Variants in ALPG observed in about 807,000 individuals in gnomAD.
The protein encoded by ALPG is alkaline phosphatase, germ cell type.
A neutral mutation model predicts 48.6 loss-of-function variants in ALPG; 32 were observed. That is an observed-to-expected ratio of 0.66 (90% CI 0.50 to 0.88). The LOEUF is 0.88. Among genes scored for constraint, ALPG ranks in the 40% least tolerant of loss-of-function variants. The pLI is 0.00. For synonymous variants in ALPG, 244 were observed against 308.9 expected, an observed-to-expected ratio of 0.79 and a Z score of 2.20; for missense variants, 533 against 718.1, an observed-to-expected ratio of 0.74 and a Z score of 2.95.
chr2:232,407,595 C>T lies in ALPG; in HGVS notation c.302C>T (p.Thr101Ile), dbSNP rs201165880. The T allele has an allele frequency of 5.8e-5, 94 of 1,613,744 alleles. No individual in the cohort carries two copies. The highest frequency in any genetic ancestry group is 7.5e-5 in the Non-Finnish European group (89 of 1,180,024). ...AGCTCAGAGTGTCTCTGTCCCCAGA[C>T]ATACAGTGTAGACAAGCATGTGCCA... ...DRFPYVALSK[T>I]YSVDKHVPDS... Residue 101 changes from threonine (T) to isoleucine (I), a missense_variant and splice_region_variant, in exon 4 of 11, where the codon ACA becomes ATA. Around this residue, in one of 6 missense-constraint regions of ALPG, gnomAD observed 315 missense variants for 305.8 expected, o/e 1.03. Transcript: ENST00000295453.
Position 232,407,577 on chromosome 2 carries a change from A to C in ALPG, c.301-17A>C, listed in dbSNP as rs746136382. On this transcript the variant is annotated splice_polypyrimidine_tract_variant and intron_variant, in intron 3 of 10. Transcript: ENST00000295453. ...TTGTCTGCCCCAGAGAAGAGCTCAGAGTGTCTCTGTCCCCAGACATACAGT... is the reference window on the plus strand; with the variant it reads ...TTGTCTGCCCCAGAGAAGAGCTCAGCGTGTCTCTGTCCCCAGACATACAGT... 7.4e-6 allele frequency: 12 copies of C among 1,613,478 alleles called. No individual in the cohort carries two copies. Among genetic ancestry groups the C allele is most frequent in the Non-Finnish European group, 1.0e-5 (12 of 1,179,948 alleles).
Position 232,408,300 on chromosome 2 carries a change from C to A in ALPG, c.682C>A (p.Pro228Thr), listed in dbSNP as rs767138507. 6.2e-7 allele frequency: 1 copy of A among 1,613,576 alleles called. No individual in the cohort carries two copies. Among genetic ancestry groups the A allele is most frequent in the Admixed American group, 1.7e-5 (1 of 59,984 alleles). The change falls in exon 6 of 11, where the codon CCC becomes ACC. Residue 228 changes from proline to threonine, a missense_variant. Physicochemically the swap from Pro to Thr is conservative, Grantham distance 38. Coordinates refer to ENST00000295453, the MANE Select transcript of ALPG (RefSeq NM_031313.3). ...AGGTGGAGGCCGAAAGTACATGTTT[C>A]CCATGGGGACCCCAGACCCTGAGTA... ...ILGGGRKYMFPMGTPDPEYPD... is the reference protein window; with the variant it reads ...ILGGGRKYMFTMGTPDPEYPD...
Position 232,407,888 on chromosome 2 carries a change from C to T in ALPG, c.519C>T (p.Ala173=), listed in dbSNP as rs1697119279. 1 of 1,613,510 alleles carries T rather than the reference C, an allele frequency of 6.2e-7. No homozygotes were observed. The highest frequency in any genetic ancestry group is 1.7e-5 in the Admixed American group (1 of 60,030). ...GVVTTTRVQH[A]SPAGAYAHTV... ...TAACCACCACACGGGTGCAGCATGC[C>T]TCGCCAGCCGGCGCCTACGCCCACA... The change falls in exon 5 of 11, where the codon GCC becomes GCT. Residue 173 remains alanine, a synonymous_variant. Coordinates refer to ENST00000295453, the MANE Select transcript of ALPG (RefSeq NM_031313.3).
rs762791090 is a variant in ALPG, at chr2:232,409,871, G to A, written c.1598G>A (p.Ter533=). 3 of 1,564,130 alleles carry A rather than the reference G, an allele frequency of 1.9e-6. No individual in the cohort carries two copies. The highest frequency in any genetic ancestry group is 2.6e-6 in the Non-Finnish European group (3 of 1,160,216). ...CTGCTGGGGACGGCCACTGCTCCCT[G>A]AGTGTCCCGTCCCTGGGGCTCCTGC... ...LLLLGTATAP[*] is the part of the protein sequence containing the mutation. The change falls in exon 11 of 11, where the codon TGA becomes TAA. Residue 533 remains the stop codon, a stop_retained_variant. Transcript: ENST00000295453.
At chr2:232,407,442 G>C in intron 3 of ALPG, 41 bp downstream of exon 3, 1 of 1,606,528 alleles carries the variant, frequency 6.2e-7, no homozygotes, top group Non-Finnish European at 8.5e-7. Flanking sequence ...AGCAGAGAAG[G>C]GGAATCCTGG....
rs1697158494 is a variant in ALPG, at chr2:232,409,837, A to T, written c.1564A>T (p.Thr522Ser). 1 of 1,586,700 alleles carries T rather than the reference A, an allele frequency of 6.3e-7. No homozygotes were observed. The highest frequency in any genetic ancestry group is 8.5e-7 in the Non-Finnish European group (1 of 1,169,660). Reference protein sequence around the residue: ...VPALLPLLAGTLLLLGTATAP With the variant: ...VPALLPLLAGSLLLLGTATAP ...CGCGTTGCTTCCTCTGCTGGCAGGGACCTTGCTGCTGCTGGGGACGGCCAC... is the reference window on the plus strand; with the variant it reads ...CGCGTTGCTTCCTCTGCTGGCAGGGTCCTTGCTGCTGCTGGGGACGGCCAC... The change falls in exon 11 of 11, where the codon ACC (threonine) becomes TCC (serine). Residue 522 changes from threonine (T) to serine (S), a missense_variant. Thr to Ser is a moderately conservative substitution (Grantham distance 58). This residue lies in a region of ALPG where 145 missense variants were observed against 174.3 expected (regional missense o/e 0.83). Coordinates refer to ENST00000295453, the MANE Select transcript of ALPG (RefSeq NM_031313.3).
intron 5 of ALPG, 123 bp downstream of exon 5, chr2:232,408,140 G>T (rs1258139580): frequency 4.5e-6 from 7 of 1,567,230 alleles, no homozygotes; most frequent in African/African-American, 2.7e-5. Context: ...GGTTGGGGGC[G>T]TAGAAGGCGC....
rs755457145 is a variant in ALPG, at chr2:232,407,275, T to A, written c.185-11T>A. ...CTGGGGAGCAAGCCTCACACACTTC[T>A]GCTCCTTCAGGGATGGGGGTGTCTA... On this transcript the variant is annotated splice_polypyrimidine_tract_variant and intron_variant, in intron 2 of 10. Transcript: ENST00000295453. The A allele has an allele frequency of 6.2e-7, 1 of 1,613,940 alleles. No homozygotes were observed. Among genetic ancestry groups the A allele is most frequent in the Non-Finnish European group, 8.5e-7 (1 of 1,179,998 alleles).
Position 232,408,936 on chromosome 2 carries a change from A to ACC in ALPG, c.1007_1008insCC (p.Gly337LeufsTer12). 1 of 984,740 alleles carries ACC rather than the reference A, an allele frequency of 1.0e-6. No homozygotes were observed. The highest frequency in any genetic ancestry group is 1.5e-6 in the Non-Finnish European group (1 of 684,054). 61.0% of individuals were successfully genotyped at this position (984,740 alleles called of 1,614,324 possible). A position where few individuals can be genotyped will look rare whatever the true frequency, so the allele number is the denominator to read the frequency against. Reference sequence around the variant, plus strand: ...CTTCCTGCAGGTGGTCGCATCGACCATGGTCATCATGAAAGCAGGGCTTAC... The same window carrying ACC: ...CTTCCTGCAGGTGGTCGCATCGACCACCTGGTCATCATGAAAGCAGGGCTTAC... On this transcript the variant is annotated frameshift_variant, in exon 9 of 11. Transcript: ENST00000295453. LOFTEE classifies it high-confidence loss of function.
At position 232,408,280 on chromosome 2, in the gene ALPG, G is replaced by A. The variant is rs1194609896; in HGVS notation, c.662G>A (p.Gly221Glu). Residue 221 changes from glycine to glutamate, a missense_variant, in exon 6 of 11, where the codon GGA becomes GAA. By Grantham distance (98) the Gly-to-Glu change is moderately conservative (BLOSUM62 -2). Transcript: ENST00000295453. ...CTCTGTTCCCAGGTGATCCTAGGTG[G>A]AGGCCGAAAGTACATGTTTCCCATG... The part of the protein sequence containing the change: ...SNMDIDVILG[G>E]GRKYMFPMGT... The A allele has an allele frequency of 6.2e-7, 1 of 1,613,746 alleles. No individual in the cohort carries two copies. The highest frequency in any genetic ancestry group is 2.2e-5 in the East Asian group (1 of 44,864).
In ALPG at chr2:232,406,884, T is replaced by G; in HGVS notation, c.-11T>G. ...GATTTCCGCCTCGCCGCTCTCCGAC[T>G]GCTTCCAGACATGCAGGGGCCCTGG... is the stretch of plus-strand genomic sequence containing the variant. On this transcript the variant is annotated 5_prime_UTR_variant, in exon 1 of 11. Coordinates refer to ENST00000295453, the MANE Select transcript of ALPG (RefSeq NM_031313.3). The G allele has an allele frequency of 6.2e-7, 1 of 1,609,578 alleles. No individual in the cohort carries two copies. The highest frequency in any genetic ancestry group is 8.5e-7 in the Non-Finnish European group (1 of 1,178,408).
rs549298350 is a variant in ALPG, at chr2:232,408,138, G to T, written c.648+121G>T. 719 of 1,567,070 alleles carry T rather than the reference G, an allele frequency of 4.6e-4. 6 individuals are homozygous for T. The East Asian group carries it at 4.9e-3, about 11-fold the overall frequency. On this transcript the variant is annotated intron_variant, in intron 5 of 10. Transcript: ENST00000295453. ...GCAGGGTCTGGAGGTGGGGTTGGGGGCGTAGAAGGCGCAGCCCAGGCTGGG... is the reference window on the plus strand; with the variant it reads ...GCAGGGTCTGGAGGTGGGGTTGGGGTCGTAGAAGGCGCAGCCCAGGCTGGG...
Position 232,407,611 on chromosome 2 carries a change from G to C in ALPG, c.318G>C (p.Lys106Asn). 6.2e-7 allele frequency: 1 copy of C among 1,613,808 alleles called. No homozygotes were observed. The highest frequency in any genetic ancestry group is 1.3e-5 in the African/African-American group (1 of 74,982). The change falls in exon 4 of 11, where the codon AAG becomes AAC. Residue 106 changes from lysine to asparagine, a missense_variant. Physicochemically the swap from Lys to Asn is moderately conservative, Grantham distance 94. This residue lies in a region of ALPG where 315 missense variants were observed against 305.8 expected (regional missense o/e 1.03). Transcript: ENST00000295453. ...GTCCCCAGACATACAGTGTAGACAA[G>C]CATGTGCCAGACAGTGGAGCCACAG... is the stretch of plus-strand genomic sequence containing the variant. ...VALSKTYSVD[K>N]HVPDSGATAT...
Position 232,406,882 on chromosome 2 carries a change from A to G in ALPG, c.-13A>G, listed in dbSNP as rs754668145. The G allele has an allele frequency of 3.7e-6, 6 of 1,608,598 alleles. No homozygotes were observed. The East Asian group carries it at 1.1e-4, about 30-fold the overall frequency. ...GGGATTTCCGCCTCGCCGCTCTCCGACTGCTTCCAGACATGCAGGGGCCCT... is the reference window on the plus strand; with the variant it reads ...GGGATTTCCGCCTCGCCGCTCTCCGGCTGCTTCCAGACATGCAGGGGCCCT... On this transcript the variant is annotated 5_prime_UTR_variant, in exon 1 of 11. Coordinates refer to ENST00000295453, the MANE Select transcript of ALPG (RefSeq NM_031313.3).
chr2:232,407,744 G>C lies in ALPG; in HGVS notation c.451G>C (p.Val151Leu), dbSNP rs372574780. 2 of 1,613,698 alleles carry C rather than the reference G, an allele frequency of 1.2e-6. No individual in the cohort carries two copies. The highest frequency in any genetic ancestry group is 1.7e-6 in the Non-Finnish European group (2 of 1,180,012). The stretch of plus-strand genomic sequence containing the variant: ...GACACGCGGCAACGAGGTCATCTCC[G>C]TGATGAATCGGGCCAAGAAAGCAGG... The part of the protein sequence containing the change: ...NTTRGNEVIS[V>L]MNRAKKAGKS... The change falls in exon 4 of 11, where the codon GTG becomes CTG. Residue 151 changes from valine (V) to leucine (L), a missense_variant. By Grantham distance (32) the Val-to-Leu change is conservative (BLOSUM62 1). Transcript: ENST00000295453.
In ALPG at chr2:232,410,048, C is replaced by A; in HGVS notation, c.*176C>A. 1 of 1,024,346 alleles carries A rather than the reference C, an allele frequency of 9.8e-7. No homozygotes were observed. Among genetic ancestry groups the A allele is most frequent in the Non-Finnish European group, 1.4e-6 (1 of 727,266 alleles). The allele number at this position is 1,024,346 out of a possible 1,614,324, so 63.5% of individuals were successfully genotyped here. ...TGGGGACCGAGCCCTTGACACCACG[C>A]CCTTTGCTTTATCTTGCTCTTGAAA... On this transcript the variant is annotated 3_prime_UTR_variant, in exon 11 of 11. Transcript: ENST00000295453.
rs369501465 is a variant in ALPG at position 232,407,779 on chromosome 2, G to T, written c.475+11G>T. ...GGGCCAAGAAAGCAGGTGAGCTGGG[G>T]CCCGCTGTGGGGTCAGGGCCAGGTG... On this transcript the variant is annotated intron_variant, in intron 4 of 10. Coordinates refer to ENST00000295453, the MANE Select transcript of ALPG (RefSeq NM_031313.3). The T allele has an allele frequency of 6.2e-7, 1 of 1,613,778 alleles. No homozygotes were observed. Among genetic ancestry groups the T allele is most frequent in the Non-Finnish European group, 8.5e-7 (1 of 1,180,022 alleles).
At chr2:232,408,141 T>G in intron 5 of ALPG, 124 bp downstream of exon 5, 2 of 1,566,918 alleles carry the variant, frequency 1.3e-6, no homozygotes, top group African/African-American at 1.4e-5. Context: ...GTTGGGGGCG[T>G]AGAAGGCGCA....
rs1425307268 is a variant in ALPG at position 232,407,583 on chromosome 2, T to G, written c.301-11T>G. 6.2e-7 allele frequency: 1 copy of G among 1,613,534 alleles called. No homozygotes were observed. Among genetic ancestry groups the G allele is most frequent in the Admixed American group, 1.7e-5 (1 of 59,976 alleles). On this transcript the variant is annotated splice_polypyrimidine_tract_variant and intron_variant, in intron 3 of 10. Coordinates refer to ENST00000295453, the MANE Select transcript of ALPG (RefSeq NM_031313.3). The stretch of plus-strand genomic sequence containing the variant: ...GCCCCAGAGAAGAGCTCAGAGTGTC[T>G]CTGTCCCCAGACATACAGTGTAGAC...
Sources: gnomAD v4.1 joint callset for allele counts on GRCh38, gnomAD v4.1.1 for gene constraint, gnomAD v4.1.1 regional missense constraint, MANE v1.5 for transcripts, NCBI Gene and HGNC (gene_info 2026-07-23, HGNC 2026-07-21) for gene names.